Variants in STARD13 observed in about 807,000 individuals in gnomAD.
The protein encoded by STARD13 is StAR related lipid transfer domain containing 13, also known as stAR-related lipid transfer protein 13.
A neutral mutation model predicts 106.4 loss-of-function variants in STARD13; 62 were observed. The observed-to-expected ratio is 0.58, with a 90% CI of 0.48 to 0.72. The LOEUF (loss-of-function observed/expected upper bound fraction) is 0.72, where lower values mean the gene tolerates loss of function less well. Ranked by LOEUF, STARD13 falls within the 30% of genes least tolerant of loss-of-function variation. STARD13 has a pLI of 0.00. For missense variants in STARD13, 1,387 were observed against 1,424.0 expected, an observed-to-expected ratio of 0.97 and a Z score of 0.42; for synonymous variants, 565 against 553.0, an observed-to-expected ratio of 1.02 and a Z score of -0.31.
the STARD13 span, among the ~76,000 whole-genome samples, chr13:33,410,220 A>G: frequency 6.6e-6 from 1 of 152,232 alleles, no homozygotes. Context: ...TCATTGTCAG[A>G]TGATTTATGG....
chr13:33,295,704 C>T (rs916787791), intron 1 of STARD13, among the ~76,000 whole-genome samples: 3 of 151,132 alleles, frequency 2.0e-5, no homozygotes, highest in East Asian at 1.9e-4. Context: ...AGAGGGTGCC[C>T]GGGGGGGGCA....
chr13:33,453,564 T>C, the STARD13 span, among the ~76,000 whole-genome samples: 4 of 152,216 alleles, frequency 2.6e-5, no homozygotes, highest in African/African-American at 7.2e-5. Flanking sequence ...AAGCCAGTTG[T>C]TTAAGGAAAT....
chr13:33,343,321 T>C (rs2077980942), intron 1 of STARD13, among the ~76,000 whole-genome samples: 1 of 150,614 alleles, frequency 6.6e-6, no homozygotes, highest in Admixed American at 6.6e-5. Flanking sequence ...ATGCCTATCA[T>C]CCCAGCACCT....
chr13:33,105,611 G>A lies in STARD13; in HGVS notation c.3324C>T (p.Gly1108=), dbSNP rs993954308. The A allele has an allele frequency of 1.8e-5, 29 of 1,612,318 alleles. No individual in the cohort carries two copies. In the Admixed American group the frequency reaches 2.3e-4, roughly 13 times the overall value. Reference sequence around the variant, plus strand: ...GCAAAACTCAGATTTTAGTTTCTGGGCCCTCAGCAATGAGGGGCTGGAAAG... The same window carrying A: ...GCAAAACTCAGATTTTAGTTTCTGGACCCTCAGCAATGAGGGGCTGGAAAG... The part of the protein sequence containing the change: ...RNSFQPLIAE[G]PETKI The change falls in exon 14 of 14, where the codon GGC becomes GGT. Residue 1108 remains glycine, a synonymous_variant. Coordinates refer to ENST00000336934, the MANE Select transcript of STARD13 (RefSeq NM_178006.4).
At chr13:33,169,665 A>G (rs956524025) in intron 1 of STARD13, among the ~76,000 whole-genome samples, 1 of 152,194 alleles carries the variant, frequency 6.6e-6, no homozygotes, top group Non-Finnish European at 1.5e-5. Context: ...TACTACAATG[A>G]AAATGTAGTG....
rs1879536951 is a variant in STARD13 at position 33,139,594 on chromosome 13, C to T, written c.387+2716G>A. Reference sequence around the variant, plus strand: ...GATTCTATTTCTATTTCTTGGATGGCTTAACATGGGGACTTACCTAGAGGA... The same window carrying T: ...GATTCTATTTCTATTTCTTGGATGGTTTAACATGGGGACTTACCTAGAGGA... On this transcript the variant is annotated intron_variant, in intron 4 of 13. Transcript: ENST00000336934. 2.6e-5 allele frequency among the ~76,000 whole-genome samples: 4 copies of T among 152,146 alleles called. No individual in the cohort carries two copies. The South Asian group carries it at 6.2e-4, about 24-fold the overall frequency.
At chr13:33,393,148 A>T in the STARD13 span, among the ~76,000 whole-genome samples, 1 of 152,220 alleles carries the variant, frequency 6.6e-6, no homozygotes. Flanking sequence ...AGTTTGAAAA[A>T]TTTATTTGCC....
At chr13:33,365,555 A>G in the STARD13 span, among the ~76,000 whole-genome samples, 203 of 152,314 alleles carry the variant, frequency 1.3e-3, 1 homozygote, top group Admixed American at 3.7e-3. Flanking sequence ...CTTGACCCTT[A>G]GGTAGTAGCA....
the STARD13 span, among the ~76,000 whole-genome samples, chr13:33,528,227 T>TGTGTATATATATATATAC: frequency 2.7e-5 from 3 of 110,976 alleles, no homozygotes; most frequent in African/African-American, 1.2e-4. Context: ...TGTGTGTGTG[T>TGTGTATATATATATATAC]ATATATATAT....
chr13:33,455,879 G>A, the STARD13 span, among the ~76,000 whole-genome samples: 24 of 152,266 alleles, frequency 1.6e-4, no homozygotes, highest in Non-Finnish European at 2.6e-4. Flanking sequence ...GGGAGGCAGA[G>A]GTTGCAGTGA....
the STARD13 span, among the ~76,000 whole-genome samples, chr13:33,416,922 G>C: frequency 1.3e-5 from 2 of 152,126 alleles, no homozygotes; most frequent in Non-Finnish European, 2.9e-5. Flanking sequence ...CTCTAAGAAT[G>C]GAAGAAAATG....
At chr13:33,210,879 C>T (rs761791187) in intron 1 of STARD13, among the ~76,000 whole-genome samples, 7 of 152,274 alleles carry the variant, frequency 4.6e-5, no homozygotes, top group South Asian at 2.1e-4. Flanking sequence ...ACATCAGAAT[C>T]GGCCATTTCA....
chr13:33,150,137 C>T (rs1881078826), intron 3 of STARD13, among the ~76,000 whole-genome samples: 1 of 152,168 alleles, frequency 6.6e-6, no homozygotes, highest in South Asian at 2.1e-4. Context: ...ACATGATAGG[C>T]TCGGTAGGCT....
chr13:33,569,744 G>A, the STARD13 span, among the ~76,000 whole-genome samples: 1 of 147,754 alleles, frequency 6.8e-6, no homozygotes, highest in Admixed American at 7.0e-5. Flanking sequence ...GTGATGAAAT[G>A]GCAACAGAGT....
the STARD13 span, among the ~76,000 whole-genome samples, chr13:33,647,351 A>T: frequency 6.6e-6 from 1 of 152,224 alleles, no homozygotes; most frequent in Admixed American, 6.5e-5. Flanking sequence ...TTCATTGTAG[A>T]AAAAGCATAT....
the STARD13 span, among the ~76,000 whole-genome samples, chr13:33,524,918 A>T: frequency 1.3e-5 from 2 of 152,116 alleles, no homozygotes; most frequent in African/African-American, 4.8e-5. Context: ...TATTGATTGT[A>T]GTCACCAGGT....
rs140235777 is a variant in STARD13 at position 33,206,905 on chromosome 13, C to T, written c.170-39283G>A. The stretch of plus-strand genomic sequence containing the variant: ...GATTCACAGTCACAGGATCTGGATT[C>T]GAGTCTCAGTTTTATTTCTCGGCAG... On this transcript the variant is annotated intron_variant, in intron 1 of 13. Transcript: ENST00000336934. Among the ~76,000 whole-genome samples, 6 of 152,244 alleles carry T rather than the reference C, an allele frequency of 3.9e-5. No individual in the cohort carries two copies. The East Asian group carries it at 1.2e-3, about 29-fold the overall frequency.
intron 1 of STARD13, among the ~76,000 whole-genome samples, chr13:33,214,777 C>T (rs1423787733): frequency 2.0e-5 from 3 of 151,558 alleles, no homozygotes; most frequent in Non-Finnish European, 4.4e-5. Flanking sequence ...ATTCCCAGTG[C>T]TGTGCAGTGT....
the STARD13 span, among the ~76,000 whole-genome samples, chr13:33,650,174 T>G: frequency 5.7e-4 from 37 of 65,400 alleles, 4 homozygotes; most frequent in Admixed American, 4.1e-3. Flanking sequence ...ATTTTTTTTT[T>G]TTTTTTTTTT....
Sources: allele counts gnomAD v4.1 joint callset (sites outside exome capture counted in the v4.1 genomes callset), GRCh38; gene constraint gnomAD v4.1.1; transcripts MANE v1.5; gene names NCBI Gene and HGNC (gene_info 2026-07-23, HGNC 2026-07-21).